Variants in PDE4B observed in about 807,000 individuals in gnomAD.
PDE4B encodes 3',5'-cyclic-AMP phosphodiesterase 4B.
A neutral mutation model predicts 82.2 loss-of-function variants in PDE4B; 20 were observed. That is an observed-to-expected ratio of 0.24 (90% CI 0.17 to 0.35). The LOEUF (loss-of-function observed/expected upper bound fraction) is 0.35. Ranked by LOEUF, PDE4B falls within the 10% of genes least tolerant of loss-of-function variation. PDE4B has a pLI of 1.00. For missense variants in PDE4B, 655 were observed against 907.2 expected, an observed-to-expected ratio of 0.72 and a Z score of 3.57; for synonymous variants, 320 against 318.9, an observed-to-expected ratio of 1.00 and a Z score of -0.04.
At chr1:66,338,860 T>C (rs1660729402) in intron 8 of PDE4B, among the ~76,000 whole-genome samples, 1 of 142,630 alleles carries the variant, frequency 7.0e-6, no homozygotes, top group Admixed American at 6.7e-5. Context: ...CTACTAAAAA[T>C]ACAAAAAAAT....
chr1:65,966,885 C>T (rs540800843), intron 3 of PDE4B, among the ~76,000 whole-genome samples: 10 of 152,210 alleles, frequency 6.6e-5, no homozygotes, highest in South Asian at 4.1e-4. Context: ...TAAAAATTAA[C>T]TCAAGATGGA....
intron 1 of PDE4B, among the ~76,000 whole-genome samples, chr1:65,879,823 T>A (rs938330287): frequency 2.0e-5 from 3 of 152,242 alleles, no homozygotes; most frequent in Non-Finnish European, 4.4e-5. Context: ...AAGGGCTGTT[T>A]ACTTCCCAGA....
chr1:66,118,493 T>C (rs913161160), intron 3 of PDE4B, among the ~76,000 whole-genome samples: 9 of 152,034 alleles, frequency 5.9e-5, no homozygotes, highest in Admixed American at 2.0e-4. Flanking sequence ...ACACCGCATG[T>C]TCTCACTCAT....
chr1:66,163,964 CTTG>C (rs1646668931), intron 3 of PDE4B, among the ~76,000 whole-genome samples: 1 of 152,092 alleles, frequency 6.6e-6, no homozygotes, highest in South Asian at 2.1e-4. Context: ...ACATTTATTC[CTTG>C]TTGTTTTTCC....
intron 7 of PDE4B, among the ~76,000 whole-genome samples, chr1:66,324,877 C>T (rs561683427): frequency 1.3e-5 from 2 of 152,226 alleles, no homozygotes; most frequent in African/African-American, 4.8e-5. Context: ...ATAACATGCC[C>T]TCTTGAAATG....
At chr1:66,340,331 C>T (rs1413236358) in intron 8 of PDE4B, among the ~76,000 whole-genome samples, 1 of 152,182 alleles carries the variant, frequency 6.6e-6, no homozygotes, top group African/African-American at 2.4e-5. Context: ...ACGAAGAAGA[C>T]AGTAAAACTC....
At chr1:65,841,024 C>T (rs1010584991) in intron 1 of PDE4B, among the ~76,000 whole-genome samples, 26 of 152,092 alleles carry the variant, frequency 1.7e-4, no homozygotes, top group Admixed American at 1.5e-3. Flanking sequence ...AGGCCAGGCA[C>T]GGTTGTTTAC....
chr1:65,933,160 A>G (rs1008532708), intron 3 of PDE4B, among the ~76,000 whole-genome samples: 6 of 152,218 alleles, frequency 3.9e-5, no homozygotes, highest in African/African-American at 1.4e-4. Flanking sequence ...CATTATAATT[A>G]TATTGTCAAA....
At chr1:66,222,130 G>A (rs935914666) in intron 3 of PDE4B, among the ~76,000 whole-genome samples, 26 of 152,134 alleles carry the variant, frequency 1.7e-4, no homozygotes, top group Admixed American at 8.5e-4. Context: ...TTATCATGAC[G>A]GCTGGAGGGC....
chr1:66,212,726 C>T (rs1348137901), intron 3 of PDE4B, among the ~76,000 whole-genome samples: 1 of 152,148 alleles, frequency 6.6e-6, no homozygotes, highest in African/African-American at 2.4e-5. Flanking sequence ...TGAACTGACC[C>T]TAATCTTAGT....
chr1:66,187,060 C>G (rs930573579), intron 3 of PDE4B, among the ~76,000 whole-genome samples: 1 of 152,168 alleles, frequency 6.6e-6, no homozygotes, highest in African/African-American at 2.4e-5. Flanking sequence ...TGAATTTTGT[C>G]AAAGGCCTTT....
At chr1:66,274,650 C>T (rs191593873) in intron 7 of PDE4B, among the ~76,000 whole-genome samples, 4 of 152,236 alleles carry the variant, frequency 2.6e-5, no homozygotes, top group East Asian at 1.9e-4. Context: ...CTAATTGCCT[C>T]GTCTCCAAAA....
intron 3 of PDE4B, among the ~76,000 whole-genome samples, chr1:66,154,281 A>G (rs1285781035): frequency 6.6e-6 from 1 of 152,234 alleles, no homozygotes; most frequent in African/African-American, 2.4e-5. Flanking sequence ...TAATCTGAAC[A>G]TAGAGCACAG....
At chr1:66,164,330 T>A (rs751555273) in intron 3 of PDE4B, among the ~76,000 whole-genome samples, 39 of 150,738 alleles carry the variant, frequency 2.6e-4, no homozygotes, top group Non-Finnish European at 5.3e-4. Flanking sequence ...AGGTCAGGAG[T>A]TCGAAACCAG....
intron 3 of PDE4B, among the ~76,000 whole-genome samples, chr1:66,093,865 A>G (rs1645068606): frequency 6.6e-6 from 1 of 152,056 alleles, no homozygotes; most frequent in South Asian, 2.1e-4. Context: ...TCATTAAGAC[A>G]AATATGGAAA....
intron 3 of PDE4B, among the ~76,000 whole-genome samples, chr1:66,091,489 T>A (rs866203189): frequency 2.3e-4 from 35 of 152,140 alleles, no homozygotes; most frequent in Admixed American, 9.2e-4. Flanking sequence ...AATTGCAAAG[T>A]AAAATCACAT....
chr1:66,180,835 G>A (rs1340747949), intron 3 of PDE4B, among the ~76,000 whole-genome samples: 1 of 152,184 alleles, frequency 6.6e-6, no homozygotes, highest in Non-Finnish European at 1.5e-5. Flanking sequence ...GAGAGAGAGA[G>A]AGAGAATGTG....
intron 7 of PDE4B, among the ~76,000 whole-genome samples, chr1:66,282,664 A>G (rs1177840205): frequency 2.6e-5 from 4 of 152,228 alleles, no homozygotes; most frequent in African/African-American, 7.2e-5. Flanking sequence ...CCTAAATTTC[A>G]GTACTGGCAC....
chr1:66,037,212 G>A (rs1207838642), intron 3 of PDE4B, among the ~76,000 whole-genome samples: 9 of 151,754 alleles, frequency 5.9e-5, no homozygotes, highest in Non-Finnish European at 8.8e-5. Context: ...CATTGAAACT[G>A]TAGGTCACTT....
Sources: gnomAD v4.1 joint callset for allele counts (sites outside exome capture counted in the v4.1 genomes callset) on GRCh38, gnomAD v4.1.1 for gene constraint, MANE v1.5 for transcripts, NCBI Gene and HGNC (gene_info 2026-07-23, HGNC 2026-07-21) for gene names.